The following RUVBL2 variants were observed in gnomAD, a reference collection of about 807,000 sequenced individuals.
The protein encoded by RUVBL2 is ruvB-like 2.
Under a neutral mutation model 57.9 loss-of-function variants are expected in RUVBL2, and 9 were observed. That is an observed-to-expected ratio of 0.16 (90% confidence interval 0.09 to 0.27). The LOEUF (loss-of-function observed/expected upper bound fraction) is 0.27, where lower values mean the gene tolerates loss of function less well. RUVBL2 is among the 10% of genes least tolerant of loss of function. The probability of loss-of-function intolerance (pLI) is 1.00; values close to 1 mark genes in which losing one functional copy is unlikely to be tolerated. For missense variants in RUVBL2, 456 were observed against 669.6 expected, an observed-to-expected ratio of 0.68 and a Z score of 3.52; for synonymous variants, 278 against 264.6, an observed-to-expected ratio of 1.05 and a Z score of -0.49.
At chr19:49,000,729 G>A (rs1045471376) in intron 2 of RUVBL2, among the ~76,000 whole-genome samples, 2 of 152,038 alleles carry the variant, frequency 1.3e-5, no homozygotes, top group Non-Finnish European at 2.9e-5. Flanking sequence ...GCCAGGCATG[G>A]TGGTGCATGC....
rs189066067 is a variant in RUVBL2 at position 48,999,827 on chromosome 19, G to A, written c.67+454G>A. On this transcript the variant is annotated intron_variant, in intron 2 of 14. Transcript: ENST00000595090. Reference sequence around the variant, plus strand: ...GTCCTGTGGAGCCCTCGCAGTAGCCGCATGAGGTGCATATTGTAACTGTTA... The same window carrying A: ...GTCCTGTGGAGCCCTCGCAGTAGCCACATGAGGTGCATATTGTAACTGTTA... 3.3e-5 allele frequency among the ~76,000 whole-genome samples: 5 copies of A among 152,230 alleles called. No homozygotes were observed. The East Asian group carries it at 9.7e-4, about 29-fold the overall frequency.
Position 49,009,734 on chromosome 19 carries a change from G to A in RUVBL2, c.463-42G>A, listed in dbSNP as rs761915983. The A allele has an allele frequency of 1.9e-5, 29 of 1,555,046 alleles. 1 individual carries two copies. Among genetic ancestry groups the A allele is most frequent in the South Asian group, 2.2e-5 (2 of 89,768 alleles). The stretch of plus-strand genomic sequence containing the variant: ...ACTGGGGGCACTGGGGCAACATCAG[G>A]GCCCTCTCTGAGCCCCATCCCTGGC... On this transcript the variant is annotated intron_variant, in intron 6 of 14. Transcript: ENST00000595090.
rs777433957 is a variant in RUVBL2, at chr19:49,009,781, C to T, written c.468C>T (p.Ser156=). The T allele has an allele frequency of 1.2e-6, 2 of 1,613,832 alleles. No homozygotes were observed. Among genetic ancestry groups the T allele is most frequent in the South Asian group, 1.1e-5 (1 of 91,060 alleles). ...QIDRPATGTG[S]KVGKLTLKTT... ...TGGCTTGTCCCCACTCTCAGGGCTC[C>T]AAGGTGGGCAAACTGACCCTCAAGA... The change falls in exon 7 of 15, where the codon TCC becomes TCT. Residue 156 remains serine (S), a synonymous_variant. Transcript: ENST00000595090.
chr19:48,998,968 A>G (rs572583946), intron 1 of RUVBL2, among the ~76,000 whole-genome samples: 28 of 152,174 alleles, frequency 1.8e-4, no homozygotes, highest in African/African-American at 6.5e-4. Flanking sequence ...CGGAGGTTGC[A>G]GTGAGCCGAG....
chr19:49,014,936 A>G, intron 12 of RUVBL2, 85 bp from the exon 13 acceptor site: 4 of 1,491,228 alleles, frequency 2.7e-6, no homozygotes, highest in Non-Finnish European at 3.6e-6. Context: ...CCAGTGGGGA[A>G]GGGCCAGAGG....
intron 1 of RUVBL2, among the ~76,000 whole-genome samples, chr19:48,998,691 AGAGCAGACTCC>A (rs1258330564): frequency 1.3e-5 from 2 of 149,722 alleles, no homozygotes; most frequent in African/African-American, 4.9e-5. Flanking sequence ...CCTGGGCGAC[AGAGCAGACTCC>A]GTCTCAAAAA....
At chr19:49,010,214 A>G (rs2039384705) in intron 8 of RUVBL2, 148 bp downstream of exon 8, 1 of 811,388 alleles carries the variant, frequency 1.2e-6, no homozygotes, top group Non-Finnish European at 2.0e-6. Context: ...TAACCCTAGG[A>G]CAGCAGGGCC....
chr19:48,998,294 C>T (rs879699765), intron 1 of RUVBL2, among the ~76,000 whole-genome samples: 6 of 152,150 alleles, frequency 3.9e-5, no homozygotes, highest in Non-Finnish European at 8.8e-5. Context: ...GAACTGGGGC[C>T]GCCTGGTACA....
At chr19:48,997,674 A>G (rs960351073) in intron 1 of RUVBL2, among the ~76,000 whole-genome samples, 16 of 150,948 alleles carry the variant, frequency 1.1e-4, no homozygotes, top group African/African-American at 3.6e-4. Flanking sequence ...ATTCCTTTTT[A>G]TGACTGAATA....
intron 9 of RUVBL2, 55 bp from the exon 10 acceptor site, chr19:49,010,944 G>A: frequency 6.8e-7 from 1 of 1,477,612 alleles, no homozygotes; most frequent in East Asian, 2.3e-5. Context: ...CCACACTCTG[G>A]CCCTGGAACC....
At chr19:48,995,325 A>G (rs937206109) in intron 1 of RUVBL2, among the ~76,000 whole-genome samples, 3 of 150,714 alleles carry the variant, frequency 2.0e-5, no homozygotes, top group African/African-American at 7.3e-5. Flanking sequence ...TCCTGGATTC[A>G]TGTCTTTTTT....
Position 49,015,906 on chromosome 19 carries a change from T to C in RUVBL2, c.*64T>C. On this transcript the variant is annotated 3_prime_UTR_variant, in exon 15 of 15. Transcript: ENST00000595090. ...AGAGTTCTGACACTGTGACTCTGTA[T>C]AAAATGGTTGGGAAGCTGCACCCAC... is the stretch of plus-strand genomic sequence containing the variant. 1 of 1,614,022 alleles carries C rather than the reference T, an allele frequency of 6.2e-7. No homozygotes were observed. Among genetic ancestry groups the C allele is most frequent in the Non-Finnish European group, 8.5e-7 (1 of 1,179,890 alleles).
chr19:49,011,210 G>T lies in RUVBL2; in HGVS notation c.901G>T (p.Val301Phe). Reference protein sequence around the residue: ...IIPGVLFIDEVHMLDIESFSF... With the variant: ...IIPGVLFIDEFHMLDIESFSF... ...ATCCAAGGTGCTGTTCATCGACGAG[G>T]TCCACATGCTGGACATCGAGAGCTT... is the stretch of plus-strand genomic sequence containing the variant. Residue 301 changes from valine (V) to phenylalanine (F), a missense_variant, in exon 11 of 15, where the codon GTC becomes TTC. Transcript: ENST00000595090. The surrounding 1 kb of genome is among the most constrained non-coding windows in gnomAD (Gnocchi z 4.4). The T allele has an allele frequency of 6.2e-7, 1 of 1,613,964 alleles. No homozygotes were observed. The highest frequency in any genetic ancestry group is 2.2e-5 in the East Asian group (1 of 44,882).
upstream of RUVBL2, chr19:48,993,609 T>TGGAAGGAGC (rs2038989670): frequency 1.8e-6 from 1 of 542,434 alleles, no homozygotes; most frequent in Admixed American, 3.2e-5. Flanking sequence ...GTGGAGGACG[T>TGGAAGGAGC]GTGGTTACTC....
intron 1 of RUVBL2, chr19:48,994,459 T>C (rs2039013734): frequency 6.4e-6 from 1 of 155,854 alleles, no homozygotes; most frequent in Admixed American, 6.3e-5. Flanking sequence ...GACCCAGAAA[T>C]CGGGATCTTG....
chr19:49,010,916 C>A, intron 9 of RUVBL2, 83 bp from the exon 10 acceptor site: 1 of 1,237,448 alleles, frequency 8.1e-7, no homozygotes, highest in Non-Finnish European at 1.2e-6. Context: ...TCCCTGGCAT[C>A]ATCCTTCTCT....
At chr19:48,995,624 G>A (rs2122566416) in intron 1 of RUVBL2, among the ~76,000 whole-genome samples, 1 of 151,802 alleles carries the variant, frequency 6.6e-6, no homozygotes, top group South Asian at 2.1e-4. Context: ...CGAGGTAGAA[G>A]GATTGCTTGA....
At chr19:48,998,563 G>T (rs997762281) in intron 1 of RUVBL2, among the ~76,000 whole-genome samples, 4 of 151,860 alleles carry the variant, frequency 2.6e-5, no homozygotes, top group Non-Finnish European at 4.4e-5. Flanking sequence ...AAAAAAATTA[G>T]CCAAGTGTGG....
chr19:48,996,279 A>G (rs2039058065), intron 1 of RUVBL2, among the ~76,000 whole-genome samples: 1 of 152,140 alleles, frequency 6.6e-6, no homozygotes, highest in African/African-American at 2.4e-5. Context: ...GTCAGAAAAT[A>G]ATGTAACAGA....
Sources: gnomAD v4.1 joint callset for allele counts (sites outside exome capture counted in the v4.1 genomes callset) on GRCh38, gnomAD v4.1.1 for gene constraint, Gnocchi (gnomAD v3.1) non-coding constraint, MANE v1.5 for transcripts, NCBI Gene and HGNC (gene_info 2026-07-23, HGNC 2026-07-21) for gene names.